SIRT7: variants seen among roughly 807,000 people sequenced by gnomAD.
SIRT7 encodes the protein NAD-dependent protein deacetylase sirtuin-7.
A neutral mutation model predicts 42.8 loss-of-function variants in SIRT7; 32 were observed. That is an observed-to-expected ratio of 0.75 (90% CI 0.56 to 1.00). The LOEUF (loss-of-function observed/expected upper bound fraction) is 1.00. SIRT7 is among the 50% of genes least tolerant of loss of function. The pLI, the probability that SIRT7 is intolerant of heterozygous loss-of-function variation, is 0.00. For synonymous variants in SIRT7, 297 were observed against 245.2 expected, an observed-to-expected ratio of 1.21 and a Z score of -1.97; for missense variants, 553 against 572.2, an observed-to-expected ratio of 0.97 and a Z score of 0.34.
At chr17:81,912,712 A>G in intron 9 of SIRT7, 98 bp from the exon 10 acceptor site, 1 of 1,305,166 alleles carries the variant, frequency 7.7e-7, no homozygotes, top group Admixed American at 2.0e-5. Flanking sequence ...CTGCCTTCCC[A>G]TCCCCTTCCC....
At chr17:81,915,880 C>T (rs1598342973) in intron 3 of SIRT7, 199 bp from the exon 4 acceptor site, 6 of 608,974 alleles carry the variant, frequency 9.9e-6, no homozygotes, top group African/African-American at 3.7e-5. Context: ...TCTACCTGGA[C>T]TTCCGTTTCC....
rs1261445973 is a variant in SIRT7 at position 81,914,275 on chromosome 17, T to C, written c.816+19A>G. 9 of 1,612,648 alleles carry C rather than the reference T, an allele frequency of 5.6e-6. No individual in the cohort carries two copies. The highest frequency in any genetic ancestry group is 7.6e-6 in the Non-Finnish European group (9 of 1,179,654). On this transcript the variant is annotated intron_variant, in intron 7 of 9. Coordinates refer to ENST00000328666, the MANE Select transcript of SIRT7 (RefSeq NM_016538.3). ...GGCGGGCAGGGGCTCGGTTCACTCA[T>C]TGTGTCATCGGCACGTACCTTCAGG...
chr17:81,914,213 T>C, intron 7 of SIRT7, 46 bp from the exon 8 acceptor site: 1 of 1,613,270 alleles, frequency 6.2e-7, no homozygotes, highest in Non-Finnish European at 8.5e-7. Context: ...AAGGGACAAG[T>C]CTGTACAGTG....
Position 81,913,818 on chromosome 17 carries a change from C to T in SIRT7, c.960G>A (p.Arg320=). ...KLHGKCDDVM[R]LLMAELGLEI... is the part of the protein sequence containing the mutation. ...CCAAGCCCAGCTCGGCCATGAGGAG[C>T]CGCATGACGTCATCACACTTCCCAT... The change falls in exon 9 of 10, where the codon CGG becomes CGA. Residue 320 remains arginine (R), a synonymous_variant. Transcript: ENST00000328666. The surrounding 1 kb of genome is among the most constrained non-coding windows in gnomAD (Gnocchi z 5.0). 2 of 1,549,640 alleles carry T rather than the reference C, an allele frequency of 1.3e-6. No homozygotes were observed. Among genetic ancestry groups the T allele is most frequent in the Non-Finnish European group, 1.7e-6 (2 of 1,147,258 alleles).
rs546910149 is a variant in SIRT7 at position 81,912,750 on chromosome 17, G to C, written c.1005-136C>G. 111 of 914,014 alleles carry C rather than the reference G, an allele frequency of 1.2e-4. 4 individuals carry two copies. In the South Asian group the frequency reaches 1.6e-3, roughly 13 times the overall value. 56.6% of individuals were successfully genotyped at this position (914,014 alleles called of 1,614,324 possible). The stretch of plus-strand genomic sequence containing the variant: ...CCGTGTCAACTGCGGCGGGGCTCTG[G>C]TTGGCGGCAGCTTCATTGTTACCAA... On this transcript the variant is annotated intron_variant, in intron 9 of 9. Transcript: ENST00000328666.
At chr17:81,915,318 T>C (rs938246155) in intron 5 of SIRT7, 122 bp downstream of exon 5, 11 of 1,124,038 alleles carry the variant, frequency 9.8e-6, no homozygotes, top group Non-Finnish European at 1.4e-5. Context: ...CTAACCCGCT[T>C]GGTGGGTGCT....
In SIRT7 at chr17:81,912,459, C is replaced by A; in HGVS notation, c.1160G>T (p.Gly387Val). The change falls in exon 10 of 10, where the codon GGC becomes GTC. Residue 387 changes from glycine (G) to valine (V), a missense_variant. Physicochemically the swap from Gly to Val is moderately radical, Grantham distance 109. Transcript: ENST00000328666. ...TTTTGTGCGTTTTGTGCAGCCCCTG[C>A]CAAACCAGCCCCCTAGGATGGGGGC... Reference protein sequence around the residue: ...SSAPILGGWFGRGCTKRTKRK... With the variant: ...SSAPILGGWFVRGCTKRTKRK... 2 of 1,614,030 alleles carry A rather than the reference C, an allele frequency of 1.2e-6. No individual in the cohort carries two copies. Among genetic ancestry groups the A allele is most frequent in the Non-Finnish European group, 1.7e-6 (2 of 1,180,016 alleles).
In SIRT7 at chr17:81,913,881, C is replaced by T. The variant is rs200035692; in HGVS notation, c.898-1G>A. 22 of 1,551,378 alleles carry T rather than the reference C, an allele frequency of 1.4e-5. No individual in the cohort carries two copies. The highest frequency in any genetic ancestry group is 4.4e-6 in the Non-Finnish European group (5 of 1,147,814). ...CAGCCCAGTCATCCTTCGGGGTCCA[C>T]TGAGGACAGGGAAAGCCGAGTGAGA... is the stretch of plus-strand genomic sequence containing the variant. On this transcript the variant is annotated splice_acceptor_variant, in intron 8 of 9. Transcript: ENST00000328666. LOFTEE classifies it high-confidence loss of function. The surrounding 1 kb of genome is among the most constrained non-coding windows in gnomAD (Gnocchi z 5.0).
In SIRT7 at chr17:81,914,649, C is replaced by T; in HGVS notation, c.534G>A (p.Leu178=). ...GGAGCTCGGAGATGGCCGTGCGCGGCAGCCCACTCCTCAGGTGGAGCCCGT... is the reference window on the plus strand; with the variant it reads ...GGAGCTCGGAGATGGCCGTGCGCGGTAGCCCACTCCTCAGGTGGAGCCCGT... ...NCDGLHLRSG[L]PRTAISELHG... is the part of the protein sequence containing the mutation. Residue 178 remains leucine (L), a synonymous_variant, in exon 6 of 10, where the codon CTG becomes CTA. Coordinates refer to ENST00000328666, the MANE Select transcript of SIRT7 (RefSeq NM_016538.3). 6.2e-7 allele frequency: 1 copy of T among 1,613,136 alleles called. No individual in the cohort carries two copies. The highest frequency in any genetic ancestry group is 1.1e-5 in the South Asian group (1 of 91,090).
At chr17:81,917,579 C>T in intron 3 of SIRT7, 36 bp downstream of exon 3, 1 of 1,529,936 alleles carries the variant, frequency 6.5e-7, no homozygotes, top group Non-Finnish European at 8.9e-7. Context: ...GGAGCTCATA[C>T]TCCGTCCTGG....
rs2040688365 is a variant in SIRT7, at chr17:81,912,411, CG to C, written c.*4del. ...AGTGCCAACTGTTCTTCATCGAGCA[CG>C]TGATTACGTCACTTTCTTCCTTTTT... On this transcript the variant is annotated 3_prime_UTR_variant, in exon 10 of 10. Coordinates refer to ENST00000328666, the MANE Select transcript of SIRT7 (RefSeq NM_016538.3). 6.2e-7 allele frequency: 1 copy of C among 1,614,116 alleles called. No individual in the cohort carries two copies. Among genetic ancestry groups the C allele is most frequent in the East Asian group, 2.2e-5 (1 of 44,888 alleles).
rs770785941 is a variant in SIRT7, at chr17:81,918,128, C to T, written c.4G>A (p.Ala2Thr). M[A>T]AGGLSRSERK... ...TCGGAGCGGCTCAGACCCCCGGCTGCCATCGCTCCCCTGGAGACCTGCTCT... is the reference window on the plus strand; with the variant it reads ...TCGGAGCGGCTCAGACCCCCGGCTGTCATCGCTCCCCTGGAGACCTGCTCT... The change falls in exon 1 of 10, where the codon GCA becomes ACA. Residue 2 changes from alanine (A) to threonine (T), a missense_variant. By Grantham distance (58) the Ala-to-Thr change is moderately conservative (BLOSUM62 0). Transcript: ENST00000328666. 6.5e-7 allele frequency: 1 copy of T among 1,544,262 alleles called. No homozygotes were observed. Among genetic ancestry groups the T allele is most frequent in the Non-Finnish European group, 8.7e-7 (1 of 1,155,806 alleles).
chr17:81,916,589 C>G, intron 3 of SIRT7: 1 of 151,688 alleles, frequency 6.6e-6, no homozygotes, highest in East Asian at 1.9e-4. Flanking sequence ...GCCTCAGCCT[C>G]TCGAGTAGCT....
intron 9 of SIRT7, 81 bp from the exon 10 acceptor site, chr17:81,912,695 G>T: frequency 1.4e-6 from 2 of 1,443,132 alleles, no homozygotes; most frequent in African/African-American, 1.4e-5. Flanking sequence ...AAAGCTGTCT[G>T]CGGTCCCTGC....
intron 5 of SIRT7, 62 bp from the exon 6 acceptor site, chr17:81,914,764 A>C (rs895025245): frequency 8.7e-6 from 12 of 1,380,572 alleles, no homozygotes; most frequent in South Asian, 2.3e-5. Context: ...GGAGGTCAGT[A>C]CCCGGCCACA....
Position 81,911,994 on chromosome 17 carries a change from G to A in SIRT7, c.*422C>T. On this transcript the variant is annotated 3_prime_UTR_variant, in exon 10 of 10. Coordinates refer to ENST00000328666, the MANE Select transcript of SIRT7 (RefSeq NM_016538.3). ...AAGGTCTGCATAGAGCCGAGGCTCG[G>A]AGCCACCCCTCTGCCGCACATCCAG... is the stretch of plus-strand genomic sequence containing the variant. 4.2e-6 allele frequency: 1 copy of A among 235,796 alleles called. No individual in the cohort carries two copies. Among genetic ancestry groups the A allele is most frequent in the South Asian group, 4.5e-5 (1 of 22,408 alleles). 14.6% of individuals were successfully genotyped at this position (235,796 alleles called of 1,614,324 possible). A position where few individuals can be genotyped will look rare whatever the true frequency, so the allele number is the denominator to read the frequency against.
chr17:81,918,127 G>A lies in SIRT7; in HGVS notation c.5C>T (p.Ala2Val). The A allele has an allele frequency of 1.9e-6, 3 of 1,542,886 alleles. No homozygotes were observed. The highest frequency in any genetic ancestry group is 2.6e-5 in the East Asian group (1 of 38,646). ...CTCGGAGCGGCTCAGACCCCCGGCT[G>A]CCATCGCTCCCCTGGAGACCTGCTC... M[A>V]AGGLSRSERK... Residue 2 changes from alanine (A) to valine (V), a missense_variant, in exon 1 of 10, where the codon GCA (alanine) becomes GTA (valine). Coordinates refer to ENST00000328666, the MANE Select transcript of SIRT7 (RefSeq NM_016538.3).
rs909080737 is a variant in SIRT7, at chr17:81,912,240, T to C, written c.*176A>G. ...AGGTGTCCTCGATGGCCAGGCCGTA[T>C]CAGGGTACAACCGCAGCAGTGCAAG... On this transcript the variant is annotated 3_prime_UTR_variant, in exon 10 of 10. Transcript: ENST00000328666. 3.3e-5 allele frequency: 25 copies of C among 751,436 alleles called. No individual in the cohort carries two copies. The highest frequency in any genetic ancestry group is 2.1e-4 in the African/African-American group (12 of 57,504). The allele number at this position is 751,436 out of a possible 1,614,324, so 46.5% of individuals were successfully genotyped here.
At chr17:81,912,906 C>T in intron 9 of SIRT7, 1 of 487,154 alleles carries the variant, frequency 2.1e-6, no homozygotes, top group South Asian at 2.0e-5. Flanking sequence ...CAGGGTGGGG[C>T]AGCAGTGGCC....
Sources: allele counts gnomAD v4.1 joint callset, GRCh38; gene constraint gnomAD v4.1.1; non-coding constraint Gnocchi (gnomAD v3.1); transcripts MANE v1.5; gene names NCBI Gene and HGNC (gene_info 2026-07-23, HGNC 2026-07-21).